LIMA1: variants seen among roughly 807,000 people sequenced by gnomAD.
The protein encoded by LIMA1 is LIM domain and actin binding 1.
Under a neutral mutation model 62.6 loss-of-function variants are expected in LIMA1, and 52 were observed. The observed-to-expected ratio is 0.83, with a 90% CI of 0.67 to 1.05. LIMA1 has a LOEUF of 1.05. LIMA1 is among the 50% of genes least tolerant of loss of function. The pLI is 0.00. For synonymous variants in LIMA1, 302 were observed against 317.8 expected, an observed-to-expected ratio of 0.95 and a Z score of 0.53; for missense variants, 780 against 902.2, an observed-to-expected ratio of 0.86 and a Z score of 1.74.
chr12:50,233,684 C>T (rs1460020464), intron 2 of LIMA1, among the ~76,000 whole-genome samples: 1 of 152,054 alleles, frequency 6.6e-6, no homozygotes, highest in Non-Finnish European at 1.5e-5. Flanking sequence ...CCACCATGCC[C>T]GGCTAATTTT....
In LIMA1 at chr12:50,248,761, A is replaced by G; in HGVS notation, c.-10T>C. ...ATGGAGATGATTCCATCTTGTCTACAGACACTGAAATACCTATGCAATAAA... is the reference window on the plus strand; with the variant it reads ...ATGGAGATGATTCCATCTTGTCTACGGACACTGAAATACCTATGCAATAAA... On this transcript the variant is annotated 5_prime_UTR_variant, in exon 2 of 11. Coordinates refer to ENST00000341247, the MANE Select transcript of LIMA1 (RefSeq NM_016357.5). 1 of 1,452,872 alleles carries G rather than the reference A, an allele frequency of 6.9e-7. No individual in the cohort carries two copies. The highest frequency in any genetic ancestry group is 9.7e-7 in the Non-Finnish European group (1 of 1,033,100). 90.0% of individuals were successfully genotyped at this position (1,452,872 alleles called of 1,614,324 possible). A position where few individuals can be genotyped will look rare whatever the true frequency, so the allele number is the denominator to read the frequency against.
In LIMA1 at chr12:50,200,769, C is replaced by T. The variant is rs756612370; in HGVS notation, c.972+8G>A. Reference sequence around the variant, plus strand: ...CTTGGCAACTGGACATCAGACTTTTCAACCTACCTTTTCCCCTTCCTGATG... The same window carrying T: ...CTTGGCAACTGGACATCAGACTTTTTAACCTACCTTTTCCCCTTCCTGATG... On this transcript the variant is annotated splice_region_variant and intron_variant, in intron 7 of 10. Transcript: ENST00000341247. 1 of 1,613,512 alleles carries T rather than the reference C, an allele frequency of 6.2e-7. No homozygotes were observed. The highest frequency in any genetic ancestry group is 1.1e-5 in the South Asian group (1 of 91,056).
At chr12:50,269,922 T>A (rs11169346) in intron 1 of LIMA1, among the ~76,000 whole-genome samples, 43,723 of 93,028 alleles carry the variant, frequency 0.47, 7,179 homozygotes, top group South Asian at 0.56. Flanking sequence ...CTCCGTCAAA[T>A]AAAAAAAAAA....
intron 7 of LIMA1, among the ~76,000 whole-genome samples, chr12:50,197,003 G>C (rs1384997194): frequency 1.3e-5 from 2 of 151,634 alleles, no homozygotes; most frequent in Non-Finnish European, 2.9e-5. Flanking sequence ...GAATTAGTAG[G>C]TACCTCCATC....
chr12:50,264,624 T>C (rs1942117055), intron 1 of LIMA1, among the ~76,000 whole-genome samples: 1 of 152,216 alleles, frequency 6.6e-6, no homozygotes, highest in Non-Finnish European at 1.5e-5. Context: ...AGGAAGATGA[T>C]AAATCTGCCT....
intron 1 of LIMA1, among the ~76,000 whole-genome samples, chr12:50,270,040 G>T (rs1942187280): frequency 1.3e-5 from 2 of 149,518 alleles, no homozygotes. Flanking sequence ...TTCAAGACCA[G>T]CCTGACCAAC....
chr12:50,243,473 G>C (rs1334245106), intron 2 of LIMA1, among the ~76,000 whole-genome samples: 3 of 152,164 alleles, frequency 2.0e-5, no homozygotes, highest in African/African-American at 7.2e-5. Context: ...CAACGCGCCT[G>C]ATCTCAACTG....
intron 4 of LIMA1, among the ~76,000 whole-genome samples, chr12:50,220,248 CG>C (rs1197652553): frequency 4.0e-5 from 6 of 151,772 alleles, no homozygotes; most frequent in Admixed American, 2.6e-4. Flanking sequence ...TTAGTGGAGA[CG>C]GGGTTTCACC....
intron 1 of LIMA1, among the ~76,000 whole-genome samples, chr12:50,266,738 A>G (rs1003430650): frequency 1.3e-5 from 2 of 152,236 alleles, no homozygotes; most frequent in African/African-American, 4.8e-5. Context: ...TTTATATTTG[A>G]ATCTTTCTCC....
intron 4 of LIMA1, chr12:50,220,570 T>G (rs1941423842): frequency 1.3e-5 from 2 of 152,202 alleles, no homozygotes; most frequent in Admixed American, 6.5e-5. Flanking sequence ...GAATCTACAT[T>G]GTGTGTACTG....
chr12:50,221,704 T>C (rs913197187), intron 4 of LIMA1, among the ~76,000 whole-genome samples: 8 of 152,112 alleles, frequency 5.3e-5, no homozygotes, highest in Admixed American at 1.3e-4. Flanking sequence ...AAGCTACAAA[T>C]GATAAAGAAC....
At chr12:50,260,826 T>C (rs1198254518) in intron 1 of LIMA1, among the ~76,000 whole-genome samples, 3 of 143,212 alleles carry the variant, frequency 2.1e-5, no homozygotes, top group African/African-American at 7.8e-5. Flanking sequence ...GGAAAGAAAA[T>C]AGCAAGAGGC....
chr12:50,234,885 C>T (rs986432376), intron 2 of LIMA1, among the ~76,000 whole-genome samples: 18 of 151,922 alleles, frequency 1.2e-4, no homozygotes, highest in African/African-American at 4.4e-4. Flanking sequence ...GTGGTGCACG[C>T]CTGCAGTCCC....
chr12:50,184,277 A>G (rs1204548452), intron 9 of LIMA1, among the ~76,000 whole-genome samples: 1 of 152,202 alleles, frequency 6.6e-6, no homozygotes, highest in Non-Finnish European at 1.5e-5. Flanking sequence ...TTATATGGAC[A>G]CTGCTAAATG....
intron 1 of LIMA1, among the ~76,000 whole-genome samples, chr12:50,276,861 C>T (rs1240588992): frequency 2.7e-5 from 4 of 150,370 alleles, no homozygotes; most frequent in African/African-American, 4.9e-5. Flanking sequence ...CTGAGTGACA[C>T]ACTGTCTCAA....
At position 50,265,069 on chromosome 12, in the gene LIMA1, C is replaced by T. The variant is rs893859109; in HGVS notation, c.-23-16295G>A. 2.6e-5 allele frequency among the ~76,000 whole-genome samples: 4 copies of T among 151,814 alleles called. No homozygotes were observed. In the South Asian group the frequency reaches 8.4e-4, roughly 32 times the overall value. ...TTGACAGGCTGAAGTGGGAAGATTG[C>T]CTGAGCCTAGGAGATTGAGGCTGCA... On this transcript the variant is annotated intron_variant, in intron 1 of 10. Transcript: ENST00000341247.
At chr12:50,263,847 T>TAG (rs1298260804) in intron 1 of LIMA1, among the ~76,000 whole-genome samples, 5 of 101,696 alleles carry the variant, frequency 4.9e-5, no homozygotes, top group East Asian at 2.7e-4. Context: ...TATATATATA[T>TAG]ATATAGAGAG....
chr12:50,228,591 A>C (rs949253700), intron 3 of LIMA1, among the ~76,000 whole-genome samples: 4 of 152,202 alleles, frequency 2.6e-5, no homozygotes, highest in African/African-American at 9.6e-5. Context: ...GTCTACACTC[A>C]CTTCCTAGCT....
chr12:50,209,387 T>C (rs1941211740), intron 4 of LIMA1, among the ~76,000 whole-genome samples: 1 of 151,720 alleles, frequency 6.6e-6, no homozygotes, highest in Non-Finnish European at 1.5e-5. Context: ...CTGGCCAACA[T>C]TGTGAAACCC....
Sources: allele counts gnomAD v4.1 joint callset (sites outside exome capture counted in the v4.1 genomes callset), GRCh38; gene constraint gnomAD v4.1.1; transcripts MANE v1.5; gene names NCBI Gene and HGNC (gene_info 2026-07-23, HGNC 2026-07-21).